EIF4G3: variants seen among roughly 807,000 people sequenced by gnomAD.
The protein encoded by EIF4G3 is eIF-4-gamma 3.
Under a neutral mutation model 186.4 loss-of-function variants are expected in EIF4G3, and 34 were observed. That is an observed-to-expected ratio of 0.18 (90% confidence interval 0.14 to 0.24). The LOEUF (loss-of-function observed/expected upper bound fraction) is 0.24, where lower values mean the gene tolerates loss of function less well. Among genes scored for constraint, EIF4G3 ranks in the 10% least tolerant of loss-of-function variants. The pLI is 1.00. For missense variants in EIF4G3, 1,536 were observed against 1,948.5 expected (o/e 0.79, Z 3.99); for synonymous variants, 673 against 679.5 (o/e 0.99, Z 0.15).
intron 22 of EIF4G3, among the ~76,000 whole-genome samples, chr1:20,863,437 T>A (rs560517232): frequency 9.7e-4 from 145 of 149,368 alleles, no homozygotes; most frequent in Admixed American, 2.7e-3. Context: ...TACCTTTTTT[T>A]TTTTTTTCCT....
intron 8 of EIF4G3, among the ~76,000 whole-genome samples, chr1:20,981,897 TAAA>T (rs2154566766): frequency 6.6e-6 from 1 of 152,276 alleles, no homozygotes; most frequent in South Asian, 2.1e-4. Flanking sequence ...CTGACTCTGA[TAAA>T]GAGTAAGTGG....
intron 4 of EIF4G3, among the ~76,000 whole-genome samples, chr1:21,018,141 T>G (rs531597756): frequency 6.6e-6 from 1 of 152,226 alleles, no homozygotes; most frequent in Admixed American, 6.5e-5. Flanking sequence ...AGACACATTC[T>G]TGCTATGTCA....
At chr1:20,908,446 T>A (rs1462823260) in intron 14 of EIF4G3, among the ~76,000 whole-genome samples, 2 of 152,320 alleles carry the variant, frequency 1.3e-5, no homozygotes, top group Non-Finnish European at 2.9e-5. Flanking sequence ...TCTCTCTATG[T>A]AAGTTTTAAA....
intron 33 of EIF4G3, among the ~76,000 whole-genome samples, chr1:20,822,861 C>T (rs2062755018): frequency 6.6e-6 from 1 of 152,048 alleles, no homozygotes; most frequent in South Asian, 2.1e-4. Flanking sequence ...TTCTTTGACC[C>T]ATGGGTATTT....
At chr1:20,844,848 A>G (rs767600516) in intron 29 of EIF4G3, among the ~76,000 whole-genome samples, 1 of 152,092 alleles carries the variant, frequency 6.6e-6, no homozygotes, top group African/African-American at 2.4e-5. Flanking sequence ...ACAAACAAAA[A>G]AAAGACAACA....
intron 29 of EIF4G3, among the ~76,000 whole-genome samples, chr1:20,845,698 A>C (rs529459312): frequency 1.4e-4 from 21 of 152,038 alleles, no homozygotes; most frequent in Non-Finnish European, 2.4e-4. Flanking sequence ...TAAAAAATAA[A>C]AAAAATACAT....
At chr1:21,121,827 T>C (rs576585372) in intron 2 of EIF4G3, among the ~76,000 whole-genome samples, 1 of 151,750 alleles carries the variant, frequency 6.6e-6, no homozygotes, top group East Asian at 1.9e-4. Flanking sequence ...AGAGGAAACC[T>C]TCAGGTTCCT....
intron 18 of EIF4G3, among the ~76,000 whole-genome samples, chr1:20,888,720 G>A (rs1439942973): frequency 6.6e-6 from 1 of 151,998 alleles, no homozygotes; most frequent in Non-Finnish European, 1.5e-5. Flanking sequence ...CCATGTAAAA[G>A]GACCCTAAAA....
intron 29 of EIF4G3, among the ~76,000 whole-genome samples, chr1:20,842,888 A>G (rs1031704051): frequency 2.0e-5 from 3 of 148,942 alleles, no homozygotes; most frequent in African/African-American, 7.4e-5. Flanking sequence ...TTAGTTACCC[A>G]GGCTAGAGTG....
intron 19 of EIF4G3, among the ~76,000 whole-genome samples, chr1:20,880,738 G>A (rs1397100775): frequency 6.6e-6 from 1 of 152,128 alleles, no homozygotes; most frequent in Non-Finnish European, 1.5e-5. Context: ...GCAACAGAGT[G>A]AGACTCTGTC....
intron 10 of EIF4G3, among the ~76,000 whole-genome samples, chr1:20,975,098 T>G (rs1488280191): frequency 1.3e-5 from 2 of 151,998 alleles, no homozygotes; most frequent in Non-Finnish European, 2.9e-5. Context: ...TTGGAAAAGA[T>G]CTAAGCAGAG....
chr1:20,809,585 A>G (rs572927517), intron 36 of EIF4G3, among the ~76,000 whole-genome samples: 1 of 152,314 alleles, frequency 6.6e-6, no homozygotes, highest in Admixed American at 6.5e-5. Flanking sequence ...CATAACCCTT[A>G]ACTAAAAACT....
intron 6 of EIF4G3, among the ~76,000 whole-genome samples, chr1:21,000,864 A>G (rs2083366038): frequency 6.6e-6 from 1 of 152,186 alleles, no homozygotes; most frequent in Non-Finnish European, 1.5e-5. Context: ...CCTCCTTAAT[A>G]TTCAATTATA....
At chr1:21,060,596 A>T (rs1185450167) in intron 3 of EIF4G3, among the ~76,000 whole-genome samples, 2 of 152,164 alleles carry the variant, frequency 1.3e-5, no homozygotes, top group Non-Finnish European at 2.9e-5. Context: ...GAAGAGTACA[A>T]GAATAGAAGC....
chr1:21,070,923 T>C (rs1193668610), intron 3 of EIF4G3, among the ~76,000 whole-genome samples: 1 of 152,240 alleles, frequency 6.6e-6, no homozygotes, highest in East Asian at 1.9e-4. Flanking sequence ...GTTCATTTTA[T>C]TATATTTCAT....
chr1:20,898,496 ACTTATT>A (rs2089189715), intron 16 of EIF4G3, among the ~76,000 whole-genome samples: 1 of 152,128 alleles, frequency 6.6e-6, no homozygotes. Context: ...TAAAAACAAT[ACTTATT>A]CTTACTTACA....
intron 14 of EIF4G3, among the ~76,000 whole-genome samples, chr1:20,917,423 G>A (rs748725893): frequency 1.4e-4 from 22 of 152,192 alleles, no homozygotes; most frequent in South Asian, 4.1e-4. Flanking sequence ...AGGAGGATGT[G>A]TTGAACCTGG....
chr1:20,873,465 A>G (rs962389493), intron 20 of EIF4G3, among the ~76,000 whole-genome samples: 1 of 152,212 alleles, frequency 6.6e-6, no homozygotes, highest in Admixed American at 6.5e-5. Flanking sequence ...TGCAATCAGT[A>G]TGCGAGAGTT....
At chr1:20,971,193 G>A (rs1275401360) in intron 11 of EIF4G3, among the ~76,000 whole-genome samples, 1 of 152,200 alleles carries the variant, frequency 6.6e-6, no homozygotes, top group Non-Finnish European at 1.5e-5. Context: ...AGGACCCACT[G>A]TTGTTTATTA....
Sources: gnomAD v4.1 joint callset for allele counts (sites outside exome capture counted in the v4.1 genomes callset) on GRCh38, gnomAD v4.1.1 for gene constraint, MANE v1.5 for transcripts, NCBI Gene and HGNC (gene_info 2026-07-23, HGNC 2026-07-21) for gene names.